TENM4: variants seen among roughly 807,000 people sequenced by gnomAD.
The protein encoded by TENM4 is teneurin-4.
TENM4 carries 82 observed loss-of-function variants against 243.3 expected under a neutral mutation model. The observed-to-expected ratio is 0.34, with a 90% CI of 0.28 to 0.40. The LOEUF (loss-of-function observed/expected upper bound fraction) is 0.40, where lower values mean the gene tolerates loss of function less well. Ranked by LOEUF, TENM4 falls within the 10% of genes least tolerant of loss-of-function variation. TENM4 has a pLI of 1.00. For synonymous variants in TENM4, 1,412 were observed against 1,456.3 expected, an observed-to-expected ratio of 0.97 and a Z score of 0.69; for missense variants, 3,138 against 3,673.3, an observed-to-expected ratio of 0.85 and a Z score of 3.77.
chr11:78,859,436 T>C (rs940524822), intron 10 of TENM4, among the ~76,000 whole-genome samples: 1 of 152,232 alleles, frequency 6.6e-6, no homozygotes. Flanking sequence ...TAAAGCTAGA[T>C]AGATTCAGGC....
intron 23 of TENM4, among the ~76,000 whole-genome samples, chr11:78,725,749 G>A (rs1221500021): frequency 2.0e-5 from 3 of 152,214 alleles, no homozygotes; most frequent in African/African-American, 7.2e-5. Context: ...GAACCAAGAC[G>A]CTGGGTGAGG....
At chr11:78,685,687 C>A (rs919890592) in intron 29 of TENM4, among the ~76,000 whole-genome samples, 3 of 152,226 alleles carry the variant, frequency 2.0e-5, no homozygotes, top group East Asian at 1.9e-4. Context: ...ATACTCACAG[C>A]CAGTTTAGCA....
chr11:78,936,325 G>T (rs11824677), intron 6 of TENM4, among the ~76,000 whole-genome samples: 106 of 152,212 alleles, frequency 7.0e-4, no homozygotes, highest in African/African-American at 2.3e-3. Context: ...TACCTCACTG[G>T]GTTGTTTACA....
intron 6 of TENM4, among the ~76,000 whole-genome samples, chr11:79,055,757 G>A (rs920896973): frequency 3.9e-5 from 6 of 152,074 alleles, no homozygotes; most frequent in Admixed American, 2.0e-4. Context: ...CTAGTAATTC[G>A]CACAAAGTCA....
chr11:78,903,397 G>T lies in TENM4; in HGVS notation c.620C>A (p.Pro207Gln), dbSNP rs1165216331. Reference sequence around the variant, plus strand: ...GGGGGCCGGGCTGGGGTTGCTCCTCGGCGTGAAGTTGCCCCGGTTCAGGGA... The same window carrying T: ...GGGGGCCGGGCTGGGGTTGCTCCTCTGCGTGAAGTTGCCCCGGTTCAGGGA... ...INSLNRGNFT[P>Q]RSNPSPAPTD... The change falls in exon 7 of 34, where the codon CCG becomes CAG. Residue 207 changes from proline (P) to glutamine (Q), a missense_variant. Pro to Gln is a moderately conservative substitution (Grantham distance 76). Around this residue, in one of 2 missense-constraint regions of TENM4, gnomAD observed 671 missense variants for 614.1 expected, o/e 1.09. Transcript: ENST00000278550. 1.3e-6 allele frequency: 2 copies of T among 1,535,954 alleles called. No homozygotes were observed. The highest frequency in any genetic ancestry group is 1.8e-6 in the Non-Finnish European group (2 of 1,139,002).
intron 1 of TENM4, among the ~76,000 whole-genome samples, chr11:79,386,200 A>G (rs573870680): frequency 1.3e-5 from 2 of 152,254 alleles, no homozygotes; most frequent in Admixed American, 1.3e-4. Context: ...TGTTAGGTCT[A>G]TTGGTTATCC....
At chr11:78,728,219 G>A (rs1029624952) in intron 22 of TENM4, among the ~76,000 whole-genome samples, 3 of 152,200 alleles carry the variant, frequency 2.0e-5, no homozygotes, top group African/African-American at 7.2e-5. Context: ...TGGTAGGATT[G>A]TATGCGAACC....
intron 9 of TENM4, among the ~76,000 whole-genome samples, chr11:78,873,506 G>C (rs895465649): frequency 2.0e-5 from 3 of 152,186 alleles, no homozygotes; most frequent in Admixed American, 6.5e-5. Flanking sequence ...CTTCTAATTA[G>C]AGGTAGAGAC....
intron 19 of TENM4, among the ~76,000 whole-genome samples, chr11:78,752,245 C>G (rs1856206824): frequency 6.6e-6 from 1 of 152,220 alleles, no homozygotes; most frequent in Admixed American, 6.5e-5. Flanking sequence ...CTCAGGGAGG[C>G]CTTCATCACT....
chr11:79,268,687 C>G (rs948480342), intron 2 of TENM4, among the ~76,000 whole-genome samples: 4 of 152,176 alleles, frequency 2.6e-5, no homozygotes, highest in Non-Finnish European at 2.9e-5. Context: ...TGAGGTTAAA[C>G]AAAACAACAC....
intron 4 of TENM4, among the ~76,000 whole-genome samples, chr11:79,070,288 G>T (rs1200376148): frequency 6.6e-6 from 1 of 151,628 alleles, no homozygotes; most frequent in Admixed American, 6.6e-5. Context: ...AAGGCCAAAG[G>T]GCACTGGTGG....
At chr11:78,916,111 G>A (rs148501674) in intron 6 of TENM4, among the ~76,000 whole-genome samples, 1 of 152,320 alleles carries the variant, frequency 6.6e-6, no homozygotes, top group East Asian at 1.9e-4. Flanking sequence ...GTGGCCAGGA[G>A]GTTGAGTGCT....
chr11:79,115,616 T>C (rs1861602598), intron 4 of TENM4, among the ~76,000 whole-genome samples: 1 of 152,218 alleles, frequency 6.6e-6, no homozygotes, highest in African/African-American at 2.4e-5. Context: ...ACTGTCTTTA[T>C]TCCTGTGGAT....
Position 79,391,009 on chromosome 11 carries a change from T to C in TENM4, c.-321+49500A>G, listed in dbSNP as rs180960793. Among the ~76,000 whole-genome samples, 1,104 of 152,304 alleles carry C rather than the reference T, an allele frequency of 7.2e-3. 7 individuals carry two copies. The highest frequency in any genetic ancestry group is 0.012 in the Non-Finnish European group (794 of 68,024). ...TGCTTGAGCCTGGCTTTAGTGGACA[T>C]GGTTTTTACATAAGAGGCAGCGTCA... On this transcript the variant is annotated intron_variant, in intron 1 of 33. Coordinates refer to ENST00000278550, the MANE Select transcript of TENM4 (RefSeq NM_001098816.3).
intron 2 of TENM4, among the ~76,000 whole-genome samples, chr11:79,276,777 CT>C (rs1449464349): frequency 6.6e-6 from 1 of 152,122 alleles, no homozygotes; most frequent in Non-Finnish European, 1.5e-5. Flanking sequence ...CATTTGCAGC[CT>C]CCCCTCTCCC....
chr11:79,201,556 A>T (rs1863737086), intron 3 of TENM4, among the ~76,000 whole-genome samples: 1 of 152,072 alleles, frequency 6.6e-6, no homozygotes. Context: ...ACACACATTT[A>T]TTGGGTACCT....
intron 6 of TENM4, among the ~76,000 whole-genome samples, chr11:79,050,776 G>A (rs1033848391): frequency 6.6e-6 from 1 of 152,178 alleles, no homozygotes; most frequent in South Asian, 2.1e-4. Context: ...TCGGTGTTTG[G>A]GACCAAAAGG....
chr11:79,228,441 C>T (rs1590810530), intron 2 of TENM4, among the ~76,000 whole-genome samples: 1 of 152,278 alleles, frequency 6.6e-6, no homozygotes, highest in African/African-American at 2.4e-5. Flanking sequence ...CCTCACCTCC[C>T]GGGAAACCTC....
intron 4 of TENM4, among the ~76,000 whole-genome samples, chr11:79,139,175 A>G (rs1862208420): frequency 4.5e-5 from 3 of 66,114 alleles, no homozygotes; most frequent in Non-Finnish European, 7.0e-5. Context: ...ATTTCTATAA[A>G]TATATAAAAT....
Sources: gnomAD v4.1 joint callset for allele counts (sites outside exome capture counted in the v4.1 genomes callset) on GRCh38, gnomAD v4.1.1 for gene constraint, gnomAD v4.1.1 regional missense constraint, MANE v1.5 for transcripts, NCBI Gene and HGNC (gene_info 2026-07-23, HGNC 2026-07-21) for gene names.